The following FNDC3B variants were observed in gnomAD, a reference collection of about 807,000 sequenced individuals.
FNDC3B encodes fibronectin type III domain-containing protein 3B.
In FNDC3B, 12 loss-of-function variants were observed where a neutral mutation model predicts 151.5. That is an observed-to-expected ratio of 0.08 (90% confidence interval 0.05 to 0.13). FNDC3B has a LOEUF of 0.13. FNDC3B is among the 10% of genes least tolerant of loss of function. The pLI is 1.00. For missense variants in FNDC3B, 1,214 were observed against 1,505.3 expected (o/e 0.81, Z 3.20); for synonymous variants, 528 against 549.0 (o/e 0.96, Z 0.54).
At chr3:172,347,515 G>A (rs1200217351) in intron 21 of FNDC3B, among the ~76,000 whole-genome samples, 154 bp downstream of exon 21, 5 of 152,126 alleles carry the variant, frequency 3.3e-5, no homozygotes, top group Non-Finnish European at 7.4e-5. Flanking sequence ...TGGTTGTTTT[G>A]GTGTTTTGCA....
intron 23 of FNDC3B, among the ~76,000 whole-genome samples, chr3:172,377,756 C>T (rs144918057): frequency 5.9e-5 from 9 of 152,174 alleles, no homozygotes; most frequent in African/African-American, 1.9e-4. Flanking sequence ...ATCTCCTTAG[C>T]AGTTGAGGAA....
At position 172,320,257 on chromosome 3, in the gene FNDC3B, G is replaced by T. The variant is rs558298548; in HGVS notation, c.1255-8695G>T. Among the ~76,000 whole-genome samples the T allele has an allele frequency of 2.0e-5, 3 of 152,230 alleles. No individual in the cohort carries two copies. The East Asian group carries it at 5.8e-4, about 29-fold the overall frequency. The stretch of plus-strand genomic sequence containing the variant: ...TAGCCGGGCATGGTGGCGCACTCCT[G>T]TAATCCCAGTTGCTTGGGAGGCTGA... On this transcript the variant is annotated intron_variant, in intron 11 of 25. Coordinates refer to ENST00000415807, the MANE Select transcript of FNDC3B (RefSeq NM_022763.4).
intron 17 of FNDC3B, among the ~76,000 whole-genome samples, 198 bp downstream of exon 17, chr3:172,341,429 AT>A (rs1452247792): frequency 3.9e-5 from 6 of 152,168 alleles, no homozygotes; most frequent in African/African-American, 1.2e-4. Context: ...TCCCTACTGA[AT>A]TGTGGTATTT....
chr3:172,353,094 G>A lies in FNDC3B; in HGVS notation c.2795+11G>A, dbSNP rs1297538047. ...AGAAACCACCTACCGGTGAGTGCAAGGGAGTAGAAATCTGCATCAGCACAT... is the reference window on the plus strand; with the variant it reads ...AGAAACCACCTACCGGTGAGTGCAAAGGAGTAGAAATCTGCATCAGCACAT... On this transcript the variant is annotated intron_variant, in intron 22 of 25. Transcript: ENST00000415807. The A allele has an allele frequency of 8.1e-6, 13 of 1,611,384 alleles. No individual in the cohort carries two copies. The highest frequency in any genetic ancestry group is 1.3e-5 in the African/African-American group (1 of 74,884).
intron 1 of FNDC3B, among the ~76,000 whole-genome samples, chr3:172,084,641 G>A (rs539636636): frequency 9.2e-5 from 14 of 152,286 alleles, no homozygotes; most frequent in African/African-American, 3.4e-4. Context: ...CATAGATCAG[G>A]CAACAGTATC....
intron 3 of FNDC3B, among the ~76,000 whole-genome samples, chr3:172,144,891 G>A (rs774826898): frequency 3.9e-5 from 6 of 151,990 alleles, no homozygotes; most frequent in Non-Finnish European, 8.8e-5. Context: ...GAGAAAACTG[G>A]CCTCAGAATT....
At chr3:172,342,256 G>A (rs1381991124) in intron 17 of FNDC3B, among the ~76,000 whole-genome samples, 3 of 152,204 alleles carry the variant, frequency 2.0e-5, no homozygotes, top group Non-Finnish European at 2.9e-5. Context: ...ATACAGTGCC[G>A]AAGCTGTCTG....
At chr3:172,223,308 T>C (rs2220895) in intron 3 of FNDC3B, among the ~76,000 whole-genome samples, 59,787 of 151,998 alleles carry the variant, frequency 0.39, 13,296 homozygotes, top group East Asian at 0.5. Flanking sequence ...CAATGGTTTA[T>C]TTCAGAAAGG....
At chr3:172,140,864 A>G (rs796962165) in intron 3 of FNDC3B, among the ~76,000 whole-genome samples, 4 of 152,246 alleles carry the variant, frequency 2.6e-5, no homozygotes, top group African/African-American at 9.6e-5. Flanking sequence ...GTTTATTCTT[A>G]TATTTACATA....
chr3:172,213,070 C>T (rs929776413), intron 3 of FNDC3B, among the ~76,000 whole-genome samples: 4 of 152,074 alleles, frequency 2.6e-5, no homozygotes, highest in Non-Finnish European at 5.9e-5. Context: ...CTTTTTCTTC[C>T]ATGTTAGGTA....
rs566448620 is a variant in FNDC3B, at chr3:172,339,577, AAAAC to A, written c.1853-1520_1853-1517del. 7.8e-4 allele frequency among the ~76,000 whole-genome samples: 119 copies of A among 152,294 alleles called. 1 individual carries two copies. Among genetic ancestry groups the A allele is most frequent in the Non-Finnish European group, 1.4e-3 (98 of 68,020 alleles). ...GACTCTGTCTCGGAAGAAAAAACAAAAAACAAACAAACAAACAAAAAACCTGGTT... is the reference window on the plus strand; with the variant it reads ...GACTCTGTCTCGGAAGAAAAAACAAAAAACAAACAAACAAAAAACCTGGTT... On this transcript the variant is annotated intron_variant, in intron 16 of 25. Coordinates refer to ENST00000415807, the MANE Select transcript of FNDC3B (RefSeq NM_022763.4).
In FNDC3B at chr3:172,247,707, G is replaced by A. The variant is rs1307554138; in HGVS notation, c.439G>A (p.Gly147Arg). The change falls in exon 5 of 26, where the codon GGA becomes AGA. Residue 147 changes from glycine to arginine, a missense_variant. Coordinates refer to ENST00000415807, the MANE Select transcript of FNDC3B (RefSeq NM_022763.4). The part of the protein sequence containing the change: ...SHTAYYPPVT[G>R]PGDMPPQFFP... The stretch of plus-strand genomic sequence containing the variant: ...CACGGCTTACTACCCACCTGTTACC[G>A]GACCTGGAGATATGCCGCCTCAGTT... 9.3e-6 allele frequency: 15 copies of A among 1,613,812 alleles called. No individual in the cohort carries two copies. Among genetic ancestry groups the A allele is most frequent in the Admixed American group, 8.3e-5 (5 of 59,978 alleles).
At position 172,401,431 on chromosome 3, in the gene FNDC3B, T is replaced by A. The variant is rs551641854; in HGVS notation, c.*3956T>A. 2 of 152,178 alleles carry A rather than the reference T, an allele frequency of 1.3e-5. No individual in the cohort carries two copies. Among genetic ancestry groups the A allele is most frequent in the Non-Finnish European group, 2.9e-5 (2 of 68,060 alleles). 9.4% of individuals were successfully genotyped at this position (152,178 alleles called of 1,614,324 possible). ...CTCCATGGGCCAACTAAAAGGTGAT[T>A]GTGGACTATACAGGCTGCCAGTTTA... is the stretch of plus-strand genomic sequence containing the variant. On this transcript the variant is annotated 3_prime_UTR_variant, in exon 26 of 26. Coordinates refer to ENST00000415807, the MANE Select transcript of FNDC3B (RefSeq NM_022763.4).
chr3:172,396,660 A>T (rs1275253832), intron 25 of FNDC3B, among the ~76,000 whole-genome samples: 1 of 152,208 alleles, frequency 6.6e-6, no homozygotes, highest in Non-Finnish European at 1.5e-5. Context: ...TCAGTAAGGC[A>T]TTAGATTCCC....
At chr3:172,138,460 A>G (rs1019933048) in intron 3 of FNDC3B, among the ~76,000 whole-genome samples, 1 of 152,186 alleles carries the variant, frequency 6.6e-6, no homozygotes, top group African/African-American at 2.4e-5. Context: ...ATCTCAATAG[A>G]AGAACTTTGA....
intron 13 of FNDC3B, among the ~76,000 whole-genome samples, chr3:172,332,021 AGTGC>A (rs1732707641): frequency 6.6e-6 from 1 of 152,124 alleles, no homozygotes; most frequent in Non-Finnish European, 1.5e-5. Flanking sequence ...TCCAGGCTGG[AGTGC>A]GGTGGTGCAA....
intron 7 of FNDC3B, among the ~76,000 whole-genome samples, chr3:172,288,264 A>G (rs1730126404): frequency 6.6e-6 from 1 of 152,230 alleles, no homozygotes; most frequent in African/African-American, 2.4e-5. Flanking sequence ...ATAGTTTGAC[A>G]TTCAAGTCTG....
chr3:172,183,679 T>C (rs1724031042), intron 3 of FNDC3B, among the ~76,000 whole-genome samples: 1 of 152,252 alleles, frequency 6.6e-6, no homozygotes, highest in African/African-American at 2.4e-5. Flanking sequence ...TCTTCTTAAC[T>C]AAGATAACCT....
intron 22 of FNDC3B, among the ~76,000 whole-genome samples, chr3:172,358,965 G>A (rs1221353362): frequency 1.8e-5 from 1 of 56,712 alleles, no homozygotes; most frequent in African/African-American, 5.5e-5. Flanking sequence ...TGGTGGTGGT[G>A]GTGGTGGTGG....
Sources: gnomAD v4.1 joint callset for allele counts (sites outside exome capture counted in the v4.1 genomes callset) on GRCh38, gnomAD v4.1.1 for gene constraint, MANE v1.5 for transcripts, NCBI Gene and HGNC (gene_info 2026-07-23, HGNC 2026-07-21) for gene names.